Variants in MIPOL1 observed in about 807,000 individuals in gnomAD.
MIPOL1 encodes the protein mirror-image polydactyly 1, also known as mirror-image polydactyly gene 1 protein.
A neutral mutation model predicts 60.9 loss-of-function variants in MIPOL1; 57 were observed. The observed-to-expected ratio is 0.94, with a 90% confidence interval of 0.76 to 1.17. The LOEUF (loss-of-function observed/expected upper bound fraction) is 1.17, where lower values mean the gene tolerates loss of function less well. MIPOL1 is among the 50% of genes most tolerant of loss of function. The probability of loss-of-function intolerance (pLI) is 0.00; values close to 1 mark genes in which losing one functional copy is unlikely to be tolerated. For synonymous variants in MIPOL1, 179 were observed against 168.8 expected (o/e 1.06, Z -0.47); for missense variants, 551 against 511.6 (o/e 1.08, Z -0.74).
At chr14:37,545,657 G>A (rs1263214443) in intron 12 of MIPOL1, 1 of 641,562 alleles carries the variant, frequency 1.6e-6, no homozygotes, top group South Asian at 1.7e-5. Flanking sequence ...CCTGTTTTTT[G>A]TTAACAGAAT....
At chr14:37,267,463 A>G (rs901264089) in intron 4 of MIPOL1, among the ~76,000 whole-genome samples, 1 of 151,862 alleles carries the variant, frequency 6.6e-6, no homozygotes, top group Non-Finnish European at 1.5e-5. Context: ...ACTCCAGCCT[A>G]GGCAACAGAG....
intron 11 of MIPOL1, among the ~76,000 whole-genome samples, chr14:37,486,615 T>G (rs543604120): frequency 1.9e-4 from 29 of 152,328 alleles, no homozygotes; most frequent in African/African-American, 7.0e-4. Flanking sequence ...AGTTCACTCA[T>G]GATTTGTCTG....
intron 5 of MIPOL1, among the ~76,000 whole-genome samples, chr14:37,269,562 T>TAGA (rs1272486102): frequency 2.6e-5 from 4 of 152,156 alleles, no homozygotes; most frequent in African/African-American, 9.7e-5. Flanking sequence ...AGATGTTTTC[T>TAGA]GTACTTTCAT....
chr14:37,242,568 C>T (rs1972524499), intron 1 of MIPOL1, among the ~76,000 whole-genome samples: 1 of 152,030 alleles, frequency 6.6e-6, no homozygotes, highest in South Asian at 2.1e-4. Flanking sequence ...TATGGTTGAG[C>T]CACATTTTAT....
intron 11 of MIPOL1, among the ~76,000 whole-genome samples, chr14:37,495,428 A>G (rs970908586): frequency 6.7e-6 from 1 of 149,252 alleles, no homozygotes; most frequent in Non-Finnish European, 1.5e-5. Flanking sequence ...ATGATTTCCA[A>G]TTTCATCCAT....
intron 11 of MIPOL1, among the ~76,000 whole-genome samples, chr14:37,441,713 G>T (rs376099310): frequency 3.3e-5 from 5 of 151,550 alleles, no homozygotes; most frequent in African/African-American, 1.2e-4. Context: ...TCTGTTTTTT[G>T]GGGTTTTTTG....
At chr14:37,514,791 T>C (rs752039714) in intron 12 of MIPOL1, among the ~76,000 whole-genome samples, 8 of 152,080 alleles carry the variant, frequency 5.3e-5, no homozygotes, top group Non-Finnish European at 1.0e-4. Context: ...CTGGCTAATT[T>C]TGTATTTTTA....
At chr14:37,223,695 G>A (rs1969223727) in intron 1 of MIPOL1, among the ~76,000 whole-genome samples, 2 of 151,428 alleles carry the variant, frequency 1.3e-5, no homozygotes, top group Admixed American at 1.3e-4. Flanking sequence ...GTAGAGATGG[G>A]GTTTCACCAT....
chr14:37,478,207 C>A (rs1227849624), intron 11 of MIPOL1, among the ~76,000 whole-genome samples: 2 of 152,016 alleles, frequency 1.3e-5, no homozygotes, highest in Non-Finnish European at 2.9e-5. Context: ...AAATGAAGAC[C>A]TCAATCATGT....
At chr14:37,227,649 T>A (rs995001976) in intron 1 of MIPOL1, 1 of 152,254 alleles carries the variant, frequency 6.6e-6, no homozygotes, top group African/African-American at 2.4e-5. Context: ...GCAATCTCTT[T>A]AAGTTGTGTA....
intron 1 of MIPOL1, among the ~76,000 whole-genome samples, chr14:37,226,535 T>C (rs1969775163): frequency 1.3e-5 from 2 of 152,122 alleles, no homozygotes; most frequent in African/African-American, 2.4e-5. Flanking sequence ...GAGAACAGTA[T>C]GGGGGAAACC....
At chr14:37,424,551 C>T (rs923317704) in intron 11 of MIPOL1, among the ~76,000 whole-genome samples, 3 of 152,110 alleles carry the variant, frequency 2.0e-5, no homozygotes, top group African/African-American at 7.2e-5. Flanking sequence ...CTATAGTTTC[C>T]AGAACTATGT....
In MIPOL1 at chr14:37,441,518, A is replaced by G. The variant is rs143206272; in HGVS notation, c.1031+18569A>G. Among the ~76,000 whole-genome samples the G allele has an allele frequency of 3.0e-3, 463 of 152,088 alleles. 2 individuals are homozygous for G. Among genetic ancestry groups the G allele is most frequent in the African/African-American group, 0.01 (422 of 41,516 alleles). On this transcript the variant is annotated intron_variant, in intron 11 of 12. Transcript: ENST00000684589. ...TCTTCTCCAGTGTATGTTATTGTCA[A>G]TTTTGTCAAAGATCAGTTGGCTGTA...
chr14:37,475,472 T>G (rs553929001), intron 11 of MIPOL1, among the ~76,000 whole-genome samples: 171 of 152,290 alleles, frequency 1.1e-3, no homozygotes, highest in Non-Finnish European at 1.6e-3. Context: ...ATGTTTTTGG[T>G]GATACATCTA....
At chr14:37,302,090 A>T (rs985572469) in intron 7 of MIPOL1, among the ~76,000 whole-genome samples, 4 of 144,536 alleles carry the variant, frequency 2.8e-5, no homozygotes, top group Admixed American at 7.2e-5. Flanking sequence ...GTCTGGACAT[A>T]TATTTTCAAA....
At chr14:37,444,539 A>G (rs143785912) in intron 11 of MIPOL1, among the ~76,000 whole-genome samples, 282 of 152,342 alleles carry the variant, frequency 1.9e-3, no homozygotes, top group African/African-American at 6.5e-3. Context: ...TAAAATTTAT[A>G]TAAAAATGCA....
chr14:37,382,891 A>T (rs1035876518), intron 10 of MIPOL1, among the ~76,000 whole-genome samples: 2 of 151,900 alleles, frequency 1.3e-5, no homozygotes, highest in Non-Finnish European at 2.9e-5. Context: ...CATTTTATAG[A>T]TCCTATAATT....
chr14:37,526,861 A>G (rs2095450991), intron 12 of MIPOL1, among the ~76,000 whole-genome samples: 1 of 152,182 alleles, frequency 6.6e-6, no homozygotes, highest in Non-Finnish European at 1.5e-5. Context: ...TTGTTATTTT[A>G]AAAAGTTATG....
intron 12 of MIPOL1, among the ~76,000 whole-genome samples, chr14:37,515,540 A>G (rs190953163): frequency 3.9e-5 from 6 of 152,334 alleles, no homozygotes; most frequent in African/African-American, 1.2e-4. Flanking sequence ...TATATGTAAA[A>G]GCATATGTTA....
Sources: gnomAD v4.1 joint callset for allele counts (sites outside exome capture counted in the v4.1 genomes callset) on GRCh38, gnomAD v4.1.1 for gene constraint, MANE v1.5 for transcripts, NCBI Gene and HGNC (gene_info 2026-07-23, HGNC 2026-07-21) for gene names.